The following PDE5A variants were observed in gnomAD, a reference collection of about 807,000 sequenced individuals.
PDE5A encodes the protein cGMP-specific 3',5'-cyclic phosphodiesterase.
A neutral mutation model predicts 110.2 loss-of-function variants in PDE5A; 67 were observed. That is an observed-to-expected ratio of 0.61 (90% CI 0.50 to 0.75). PDE5A has a LOEUF of 0.75. Among genes scored for constraint, PDE5A ranks in the 30% least tolerant of loss-of-function variants. The pLI is 0.00. For missense variants in PDE5A, 862 were observed against 1,045.1 expected, an observed-to-expected ratio of 0.82 and a Z score of 2.42; for synonymous variants, 328 against 351.2, an observed-to-expected ratio of 0.93 and a Z score of 0.74.
intron 2 of PDE5A, among the ~76,000 whole-genome samples, chr4:119,601,075 A>G (rs1267101647): frequency 1.3e-5 from 2 of 152,180 alleles, no homozygotes; most frequent in Non-Finnish European, 2.9e-5. Context: ...CCTAAAGGCC[A>G]TGGGATTTCT....
chr4:119,583,997 G>A (rs1208594608), intron 3 of PDE5A, among the ~76,000 whole-genome samples: 1 of 152,178 alleles, frequency 6.6e-6, no homozygotes, highest in Non-Finnish European at 1.5e-5. Flanking sequence ...GGACATAGAG[G>A]AGAGAACTGC....
rs199917186 is a variant in PDE5A at position 119,525,515 on chromosome 4, T to C, written c.1779+34A>G. On this transcript the variant is annotated intron_variant, in intron 12 of 20. Coordinates refer to ENST00000354960, the MANE Select transcript of PDE5A (RefSeq NM_001083.4). The surrounding 1 kb of genome is among the most constrained non-coding windows in gnomAD (Gnocchi z 4.3). The stretch of plus-strand genomic sequence containing the variant: ...TCTTACATACACACACACATACACA[T>C]AGACTTTTCCAAAGGATGTTGCTGC... 17 of 1,604,872 alleles carry C rather than the reference T, an allele frequency of 1.1e-5. No individual in the cohort carries two copies. Among genetic ancestry groups the C allele is most frequent in the East Asian group, 6.7e-5 (3 of 44,784 alleles).
intron 3 of PDE5A, among the ~76,000 whole-genome samples, chr4:119,574,121 A>G (rs1171619021): frequency 6.7e-6 from 1 of 150,146 alleles, no homozygotes; most frequent in Non-Finnish European, 1.5e-5. Flanking sequence ...AAGAGCTACA[A>G]TTCTTTCTAC....
chr4:119,553,605 T>C, intron 8 of PDE5A, 33 bp downstream of exon 8: 1 of 1,043,758 alleles, frequency 9.6e-7, no homozygotes, highest in Non-Finnish European at 1.5e-6. Flanking sequence ...GAAAACAGCC[T>C]TCTAGCTTCA....
rs972417442 is a variant in PDE5A at position 119,621,651 on chromosome 4, CAGACAGAT to C, written c.152+6861_152+6868del. ...ATAGGTAGATACATAGATAGATAGACAGACAGATAGATAGTTAGATAGACACAGAGACA... is the reference window on the plus strand; with the variant it reads ...ATAGGTAGATACATAGATAGATAGACAGATAGTTAGATAGACACAGAGACA... On this transcript the variant is annotated intron_variant, in intron 1 of 20. Transcript: ENST00000354960. Among the ~76,000 whole-genome samples, 37 of 7,448 alleles carry C rather than the reference CAGACAGAT, an allele frequency of 5.0e-3. No individual in the cohort carries two copies. The East Asian group carries it at 0.12, about 25-fold the overall frequency. The allele number at this position is 7,448 out of a possible 152,430, so 4.9% of individuals were successfully genotyped here.
intron 3 of PDE5A, among the ~76,000 whole-genome samples, chr4:119,568,871 T>C (rs1055858916): frequency 3.9e-5 from 6 of 152,126 alleles, no homozygotes; most frequent in African/African-American, 1.4e-4. Flanking sequence ...TGAAGCAATG[T>C]ACTAAGCAAG....
At chr4:119,522,535 C>T (rs1276570451) in intron 12 of PDE5A, among the ~76,000 whole-genome samples, 1 of 151,946 alleles carries the variant, frequency 6.6e-6, no homozygotes, top group Admixed American at 6.6e-5. Flanking sequence ...TATCTTTTTA[C>T]TAATCATAAA....
At chr4:119,565,529 A>T in intron 4 of PDE5A, 119 bp from the exon 5 acceptor site, 1 of 683,458 alleles carries the variant, frequency 1.5e-6, no homozygotes, top group Non-Finnish European at 2.6e-6. Context: ...TGTTTGTTCT[A>T]CATAAAATTA....
chr4:119,597,634 A>G (rs889586314), intron 2 of PDE5A, among the ~76,000 whole-genome samples: 1 of 152,160 alleles, frequency 6.6e-6, no homozygotes, highest in African/African-American at 2.4e-5. Flanking sequence ...CACTGCTCCA[A>G]AAACTACGCA....
At chr4:119,555,464 A>C (rs1202654443) in intron 7 of PDE5A, among the ~76,000 whole-genome samples, 9 of 152,322 alleles carry the variant, frequency 5.9e-5, no homozygotes, top group Non-Finnish European at 2.9e-5. Flanking sequence ...GTTTAAAACT[A>C]CAAATATTTT....
chr4:119,577,252 G>C (rs1024007053), intron 3 of PDE5A, among the ~76,000 whole-genome samples: 65 of 152,214 alleles, frequency 4.3e-4, no homozygotes, highest in African/African-American at 1.5e-3. Flanking sequence ...AATTCTACCA[G>C]AGGTACAAGG....
chr4:119,557,367 A>T (rs1349023022), intron 7 of PDE5A, among the ~76,000 whole-genome samples: 8 of 152,158 alleles, frequency 5.3e-5, no homozygotes, highest in Non-Finnish European at 1.2e-4. Flanking sequence ...TTTCTCTAAT[A>T]AATTTCTGCA....
chr4:119,611,817 T>C (rs760328734), intron 1 of PDE5A, among the ~76,000 whole-genome samples: 11 of 152,198 alleles, frequency 7.2e-5, no homozygotes, highest in Non-Finnish European at 1.5e-4. Flanking sequence ...AATTACATAC[T>C]TGCAGAGGAA....
intron 11 of PDE5A, among the ~76,000 whole-genome samples, chr4:119,531,142 G>C (rs554747626): frequency 2.0e-5 from 3 of 152,250 alleles, no homozygotes; most frequent in African/African-American, 7.2e-5. Context: ...TTCCCCATAA[G>C]TAGAGAACTG....
intron 3 of PDE5A, among the ~76,000 whole-genome samples, chr4:119,568,753 TTA>T (rs529894886): frequency 1.1e-4 from 16 of 152,148 alleles, no homozygotes; most frequent in Non-Finnish European, 2.1e-4. Context: ...AATCTGTGTT[TTA>T]AGAAAGATGA....
intron 18 of PDE5A, 78 bp from the exon 19 acceptor site, chr4:119,502,733 T>C: frequency 1.2e-6 from 1 of 868,602 alleles, no homozygotes; most frequent in South Asian, 1.4e-5. Context: ...ATGAAGGCCC[T>C]GTTAGGAGCT....
chr4:119,610,716 C>T (rs1156467103), intron 1 of PDE5A, among the ~76,000 whole-genome samples: 1 of 152,146 alleles, frequency 6.6e-6, no homozygotes, highest in Non-Finnish European at 1.5e-5. Flanking sequence ...CTGTTTCCTT[C>T]AACTCTCACA....
At position 119,627,102 on chromosome 4, in the gene PDE5A, C is replaced by T. The variant is rs201453430; in HGVS notation, c.152+1418G>A. The T allele has an allele frequency of 8.7e-6, 14 of 1,606,688 alleles. No individual in the cohort carries two copies. Among genetic ancestry groups the T allele is most frequent in the Non-Finnish European group, 1.2e-5 (14 of 1,175,846 alleles). On this transcript the variant is annotated intron_variant, in intron 1 of 20. Transcript: ENST00000354960. The surrounding 1 kb of genome is among the most constrained non-coding windows in gnomAD (Gnocchi z 4.6). ...CACCCAGCACCCGAGACCCGCCGCG[C>T]CCCCGGAAAAAGTGGGAAGGGACGT...
At chr4:119,579,253 A>C (rs1195952979) in intron 3 of PDE5A, among the ~76,000 whole-genome samples, 2 of 152,186 alleles carry the variant, frequency 1.3e-5, no homozygotes, top group African/African-American at 4.8e-5. Context: ...ACTGTAAACT[A>C]GTTCAATCAT....
Sources: allele counts gnomAD v4.1 joint callset (sites outside exome capture counted in the v4.1 genomes callset), GRCh38; gene constraint gnomAD v4.1.1; non-coding constraint Gnocchi (gnomAD v3.1); transcripts MANE v1.5; gene names NCBI Gene and HGNC (gene_info 2026-07-23, HGNC 2026-07-21).